DCAF6: variants seen among roughly 807,000 people sequenced by gnomAD.
DCAF6 encodes the protein DDB1- and CUL4-associated factor 6.
DCAF6 carries 54 observed loss-of-function variants against 125.1 expected under a neutral mutation model. That is an observed-to-expected ratio of 0.43 (90% CI 0.35 to 0.54). The LOEUF is 0.54. DCAF6 is among the 20% of genes least tolerant of loss of function. The pLI, the probability that DCAF6 is intolerant of heterozygous loss-of-function variation, is 0.01. For synonymous variants in DCAF6, 371 were observed against 390.4 expected (o/e 0.95, Z 0.58); for missense variants, 934 against 1,161.7 (o/e 0.80, Z 2.85).
rs1671290058 is a variant in DCAF6, at chr1:167,936,775, C to T, written c.-137C>T. The T allele has an allele frequency of 1.4e-6, 1 of 731,508 alleles. No homozygotes were observed. Among genetic ancestry groups the T allele is most frequent in the South Asian group, 1.9e-5 (1 of 53,974 alleles). The allele number at this position is 731,508 out of a possible 1,614,324, so 45.3% of individuals were successfully genotyped here. A position where few individuals can be genotyped will look rare whatever the true frequency, so the allele number is the denominator to read the frequency against. On this transcript the variant is annotated 5_prime_UTR_variant, in exon 1 of 22. Transcript: ENST00000367840. ...GGGGCCCAGGCGCCGCTGCTGCCAC[C>T]GCCATCTAACGCTGCGCCCTGGAGG...
the DCAF6 span, chr1:167,878,553 A>C: frequency 8.1e-6 from 13 of 1,614,050 alleles, no homozygotes; most frequent in Admixed American, 1.7e-5. Context: ...GGTTGCTCCC[A>C]TTGTAGGTGA....
chr1:168,023,465 G>T, intron 12 of DCAF6: 1 of 171,920 alleles, frequency 5.8e-6, no homozygotes, highest in Non-Finnish European at 1.3e-5. Context: ...AATGATACTT[G>T]GTTTTATGTC....
the DCAF6 span, chr1:167,920,475 T>C: frequency 1.4e-6 from 2 of 1,480,598 alleles, no homozygotes; most frequent in Non-Finnish European, 1.8e-6. Context: ...AGCCACTAAA[T>C]AAACTGATAT....
intron 4 of DCAF6, 115 bp from the exon 5 acceptor site, chr1:167,987,380 A>G (rs1680156251): frequency 1.6e-5 from 9 of 571,494 alleles, no homozygotes; most frequent in South Asian, 1.4e-4. Context: ...AGTAACTAAA[A>G]TGCATGGTTT....
At chr1:167,865,457 T>A in the DCAF6 span, among the ~76,000 whole-genome samples, 2 of 152,218 alleles carry the variant, frequency 1.3e-5, no homozygotes, top group African/African-American at 4.8e-5. Context: ...AAAACTTACC[T>A]TATGGTCAAA....
At chr1:167,876,126 T>A in the DCAF6 span, among the ~76,000 whole-genome samples, 7 of 151,196 alleles carry the variant, frequency 4.6e-5, no homozygotes, top group East Asian at 2.0e-4. Context: ...GCGTGGTGGC[T>A]TGCGCCTGCC....
chr1:167,949,576 A>C (rs1673608053), intron 1 of DCAF6, among the ~76,000 whole-genome samples: 1 of 152,196 alleles, frequency 6.6e-6, no homozygotes, highest in South Asian at 2.1e-4. Flanking sequence ...AGGCATCTTC[A>C]AGTTTCCCTA....
intron 4 of DCAF6, among the ~76,000 whole-genome samples, chr1:167,985,208 TGTG>T (rs1485405199): frequency 2.4e-4 from 34 of 143,444 alleles, no homozygotes; most frequent in Admixed American, 5.6e-4. Flanking sequence ...TGTGTGTGTG[TGTG>T]GTGTGTGTGT....
At position 167,976,886 on chromosome 1, in the gene DCAF6, GTTTTTTTTTTTTTTTT is replaced by G. The variant is rs397981860; in HGVS notation, c.438+1890_438+1905del. Among the ~76,000 whole-genome samples, 111 of 38,082 alleles carry G rather than the reference GTTTTTTTTTTTTTTTT, an allele frequency of 2.9e-3. 1 individual carries two copies. In the East Asian group the frequency reaches 0.062, roughly 21 times the overall value. The allele number at this position is 38,082 out of a possible 152,430, so 25.0% of individuals were successfully genotyped here. Reference sequence around the variant, plus strand: ...TGTACTGAAGGTACATCCTTTAGCAGTTTTTTTTTTTTTTTTTTTTTTTTTTTTTTTTTTGAGACGG... The same window carrying G: ...TGTACTGAAGGTACATCCTTTAGCAGTTTTTTTTTTTTTTTTTTGAGACGG... On this transcript the variant is annotated intron_variant, in intron 4 of 21. Coordinates refer to ENST00000367840, the MANE Select transcript of DCAF6 (RefSeq NM_001198956.2).
At chr1:168,049,646 ATTTTTTTT>A (rs756012977) in intron 16 of DCAF6, among the ~76,000 whole-genome samples, 1 of 90,294 alleles carries the variant, frequency 1.1e-5, no homozygotes, top group African/African-American at 5.4e-5. Context: ...TCTGCATATA[ATTTTTTTT>A]TTTTTTTTTT....
chr1:167,971,321 G>A (rs1263855847), intron 3 of DCAF6, among the ~76,000 whole-genome samples: 2 of 152,224 alleles, frequency 1.3e-5, no homozygotes, highest in Admixed American at 1.3e-4. Flanking sequence ...TGCTTAGATG[G>A]CAACTTCTTT....
chr1:167,893,852 C>G, the DCAF6 span: 1 of 1,605,040 alleles, frequency 6.2e-7, no homozygotes. Context: ...TTTGAAAATA[C>G]CTGCTTCAAA....
At chr1:167,943,094 A>G (rs1315191689) in intron 1 of DCAF6, among the ~76,000 whole-genome samples, 1 of 152,026 alleles carries the variant, frequency 6.6e-6, no homozygotes, top group African/African-American at 2.4e-5. Flanking sequence ...TTTTTTTAGT[A>G]GAGATGGGGT....
chr1:167,903,984 A>T, the DCAF6 span: 1 of 1,612,032 alleles, frequency 6.2e-7, no homozygotes, highest in Non-Finnish European at 8.5e-7. Flanking sequence ...CAGTCATTGC[A>T]GTAAAACCTG....
At chr1:167,920,608 A>G in the DCAF6 span, 1 of 1,613,980 alleles carries the variant, frequency 6.2e-7, no homozygotes, top group South Asian at 1.1e-5. Flanking sequence ...TGGCCATATC[A>G]GCCAATCCAG....
the DCAF6 span, among the ~76,000 whole-genome samples, chr1:167,927,342 TG>T: frequency 2.0e-5 from 3 of 152,332 alleles, no homozygotes; most frequent in African/African-American, 7.2e-5. Context: ...TCAAACTCTC[TG>T]GAAATTTAGG....
chr1:167,972,056 A>G (rs532964128), intron 3 of DCAF6, among the ~76,000 whole-genome samples: 5 of 152,262 alleles, frequency 3.3e-5, no homozygotes, highest in African/African-American at 4.8e-5. Context: ...GGGTTTCGCC[A>G]TGTTGGGCAG....
chr1:167,950,013 A>G (rs190687409), intron 1 of DCAF6, among the ~76,000 whole-genome samples: 249 of 152,310 alleles, frequency 1.6e-3, no homozygotes, highest in African/African-American at 5.9e-3. Context: ...ATTTAACCAC[A>G]ATGTGTTATG....
At chr1:167,964,194 T>G (rs1676045400) in intron 2 of DCAF6, among the ~76,000 whole-genome samples, 3 of 152,242 alleles carry the variant, frequency 2.0e-5, no homozygotes, top group African/African-American at 7.2e-5. Flanking sequence ...TTTCCTTTTC[T>G]TTAAAGAACT....
Sources: gnomAD v4.1 joint callset for allele counts (sites outside exome capture counted in the v4.1 genomes callset) on GRCh38, gnomAD v4.1.1 for gene constraint, MANE v1.5 for transcripts, NCBI Gene and HGNC (gene_info 2026-07-23, HGNC 2026-07-21) for gene names.